Variants in UNC5C observed in about 807,000 individuals in gnomAD.
UNC5C encodes the protein unc-5 netrin receptor C.
Under a neutral mutation model 99.8 loss-of-function variants are expected in UNC5C, and 47 were observed. The ratio of observed to expected loss-of-function variants is 0.47; its 90% CI spans 0.37 to 0.60. The LOEUF (loss-of-function observed/expected upper bound fraction) is 0.60, where lower values mean the gene tolerates loss of function less well. Ranked by LOEUF, UNC5C falls within the 20% of genes least tolerant of loss-of-function variation. The pLI is 0.00. For missense variants in UNC5C, 1,062 were observed against 1,165.9 expected (o/e 0.91, Z 1.30); for synonymous variants, 487 against 452.2 (o/e 1.08, Z -0.98).
intron 1 of UNC5C, among the ~76,000 whole-genome samples, chr4:95,470,813 G>C (rs892359010): frequency 6.6e-6 from 1 of 152,008 alleles, no homozygotes; most frequent in East Asian, 1.9e-4. Context: ...TACTCTCGTG[G>C]TCTATTTGCT....
intron 1 of UNC5C, among the ~76,000 whole-genome samples, chr4:95,487,087 A>G (rs1721346718): frequency 1.3e-5 from 2 of 151,660 alleles, no homozygotes; most frequent in African/African-American, 4.8e-5. Flanking sequence ...AGACTTCCCA[A>G]CCTCCAGAAC....
At chr4:95,176,281 G>T (rs1347308006) in intron 14 of UNC5C, among the ~76,000 whole-genome samples, 1 of 152,184 alleles carries the variant, frequency 6.6e-6, no homozygotes, top group Non-Finnish European at 1.5e-5. Flanking sequence ...TTCCATTGCT[G>T]GTGAGGAACT....
At chr4:95,491,396 C>A (rs142526114) in intron 1 of UNC5C, among the ~76,000 whole-genome samples, 215 of 151,614 alleles carry the variant, frequency 1.4e-3, no homozygotes, top group African/African-American at 4.9e-3. Flanking sequence ...AGAGACTAAA[C>A]AAAAGTTATT....
At chr4:95,432,626 G>A (rs970766498) in intron 1 of UNC5C, among the ~76,000 whole-genome samples, 3 of 151,936 alleles carry the variant, frequency 2.0e-5, no homozygotes, top group African/African-American at 7.3e-5. Flanking sequence ...CCCTGTTTGG[G>A]GCTGGAATAG....
At chr4:95,309,327 C>T (rs958889575) in intron 2 of UNC5C, among the ~76,000 whole-genome samples, 7 of 151,542 alleles carry the variant, frequency 4.6e-5, no homozygotes, top group East Asian at 3.9e-4. Flanking sequence ...ACTGTAAAAC[C>T]GCTAGAAAAA....
In UNC5C at chr4:95,202,650, C is replaced by T. The variant is rs111994800; in HGVS notation, c.2136+81G>A. 343 of 1,366,818 alleles carry T rather than the reference C, an allele frequency of 2.5e-4. No homozygotes were observed. The African/African-American group carries it at 3.4e-3, about 14-fold the overall frequency. The allele number at this position is 1,366,818 out of a possible 1,614,324, so 84.7% of individuals were successfully genotyped here. A position where few individuals can be genotyped will look rare whatever the true frequency, so the allele number is the denominator to read the frequency against. ...ACACTTGGGTGCACACACACAGCCA[C>T]ATCTCCAAGTGTGCACAGCCGTGCA... On this transcript the variant is annotated intron_variant, in intron 12 of 15. Coordinates refer to ENST00000453304, the MANE Select transcript of UNC5C (RefSeq NM_003728.4).
chr4:95,448,227 T>TGTGAGAGAGAGAGA (rs1339694230), intron 1 of UNC5C, among the ~76,000 whole-genome samples: 3 of 100,142 alleles, frequency 3.0e-5, no homozygotes, highest in South Asian at 3.7e-4. Flanking sequence ...TGTGTGTGTG[T>TGTGAGAGAGAGAGA]GAGAGAGAGA....
At position 95,398,044 on chromosome 4, in the gene UNC5C, C is replaced by CTTTTTTTTTTTTTTTTTTTTTTTTT. The variant is rs34609153; in HGVS notation, c.125-62414_125-62413insAAAAAAAAAAAAAAAAAAAAAAAAA. ...CCCAATGAGAAGTAGCCAAATGTAG[C>CTTTTTTTTTTTTTTTTTTTTTTTTT]TTTTTTTTTTTTTTTTTTTGCTTAT... is the stretch of plus-strand genomic sequence containing the variant. On this transcript the variant is annotated intron_variant, in intron 1 of 15. Transcript: ENST00000453304. Among the ~76,000 whole-genome samples, 9 of 95,922 alleles carry CTTTTTTTTTTTTTTTTTTTTTTTTT rather than the reference C, an allele frequency of 9.4e-5. 2 individuals carry two copies. Among genetic ancestry groups the CTTTTTTTTTTTTTTTTTTTTTTTTT allele is most frequent in the East Asian group, 3.6e-4 (1 of 2,762 alleles). The allele number at this position is 95,922 out of a possible 152,430, so 62.9% of individuals were successfully genotyped here.
chr4:95,198,983 G>C (rs1186095815), intron 12 of UNC5C, among the ~76,000 whole-genome samples: 2 of 152,134 alleles, frequency 1.3e-5, no homozygotes, highest in Non-Finnish European at 2.9e-5. Context: ...CCAATACCTA[G>C]ACCAATTAGA....
chr4:95,226,589 CAGGG>C lies in UNC5C; in HGVS notation c.1109-6417_1109-6414del, dbSNP rs1738698763. Among the ~76,000 whole-genome samples, 9 of 152,270 alleles carry C rather than the reference CAGGG, an allele frequency of 5.9e-5. 1 individual carries two copies. In the South Asian group the frequency reaches 1.9e-3, roughly 32 times the overall value. The stretch of plus-strand genomic sequence containing the variant: ...TTTGTTTCCCCAGTTATTACATAGA[CAGGG>C]AGCCCAGTTTTTCAGAGAAGCCGTA... On this transcript the variant is annotated intron_variant, in intron 7 of 15. Coordinates refer to ENST00000453304, the MANE Select transcript of UNC5C (RefSeq NM_003728.4).
At chr4:95,279,346 T>TATAGATGAC (rs1740971675) in intron 3 of UNC5C, among the ~76,000 whole-genome samples, 2 of 151,764 alleles carry the variant, frequency 1.3e-5, no homozygotes, top group Non-Finnish European at 2.9e-5. Flanking sequence ...ATATAGTTGA[T>TATAGATGAC]ACAGGAGTAT....
At chr4:95,196,270 G>A (rs1422850471) in intron 12 of UNC5C, among the ~76,000 whole-genome samples, 1 of 152,116 alleles carries the variant, frequency 6.6e-6, no homozygotes, top group African/African-American at 2.4e-5. Context: ...CCTGAAGACG[G>A]GGGAAAAAGA....
At chr4:95,170,470 T>G (rs1048886599) in intron 14 of UNC5C, 138 bp from the exon 15 acceptor site, 16 of 1,058,146 alleles carry the variant, frequency 1.5e-5, no homozygotes, top group Admixed American at 5.2e-5. Context: ...AAGAATGGCT[T>G]CTTCTTAGCC....
chr4:95,342,898 C>T (rs909831771), intron 1 of UNC5C, among the ~76,000 whole-genome samples: 6 of 151,830 alleles, frequency 4.0e-5, no homozygotes, highest in Non-Finnish European at 7.4e-5. Context: ...CCTGGGGTGG[C>T]AGTGGCAGTG....
intron 1 of UNC5C, among the ~76,000 whole-genome samples, chr4:95,353,801 TA>T (rs2149430665): frequency 6.6e-6 from 1 of 152,246 alleles, no homozygotes; most frequent in East Asian, 1.9e-4. Context: ...CCATATGGTT[TA>T]AAGTATATTT....
chr4:95,460,618 T>C (rs1026166006), intron 1 of UNC5C, among the ~76,000 whole-genome samples: 1 of 152,222 alleles, frequency 6.6e-6, no homozygotes, highest in African/African-American at 2.4e-5. Context: ...TTTTGTCTTC[T>C]GCCACGATTG....
intron 1 of UNC5C, among the ~76,000 whole-genome samples, chr4:95,385,182 A>C (rs1362363617): frequency 1.3e-5 from 2 of 152,186 alleles, no homozygotes; most frequent in Non-Finnish European, 2.9e-5. Flanking sequence ...AAAACTTTTC[A>C]TGCTCATAAA....
chr4:95,225,882 C>T (rs982245159), intron 7 of UNC5C, among the ~76,000 whole-genome samples: 5 of 152,180 alleles, frequency 3.3e-5, no homozygotes, highest in African/African-American at 9.7e-5. Context: ...TCTGCAACTA[C>T]AGAAGTAAAA....
chr4:95,488,722 T>C (rs542266490), intron 1 of UNC5C, among the ~76,000 whole-genome samples: 4 of 151,734 alleles, frequency 2.6e-5, no homozygotes, highest in Non-Finnish European at 5.9e-5. Context: ...ACTGCCGTAA[T>C]GTGCTGAAAC....
Sources: allele counts gnomAD v4.1 joint callset (sites outside exome capture counted in the v4.1 genomes callset), GRCh38; gene constraint gnomAD v4.1.1; transcripts MANE v1.5; gene names NCBI Gene and HGNC (gene_info 2026-07-23, HGNC 2026-07-21).